Variants in LRRIQ4 observed in about 807,000 individuals in gnomAD.
LRRIQ4 encodes leucine rich repeats and IQ motif containing 4, also known as leucine-rich repeat and IQ domain-containing protein 4.
LRRIQ4 carries 21 observed loss-of-function variants against 40.1 expected under a neutral mutation model. That is an observed-to-expected ratio of 0.52 (90% CI 0.37 to 0.75). The LOEUF is 0.75. LRRIQ4 is among the 30% of genes least tolerant of loss of function. The pLI is 0.00. For missense variants in LRRIQ4, 655 were observed against 660.0 expected (o/e 0.99, Z 0.08); for synonymous variants, 277 against 277.1 (o/e 1.00, Z 0.00).
chr3:169,833,060 T>G lies in LRRIQ4; in HGVS notation c.1407T>G (p.Leu469=). The G allele has an allele frequency of 1.2e-6, 2 of 1,613,980 alleles. No homozygotes were observed. The highest frequency in any genetic ancestry group is 1.7e-6 in the Non-Finnish European group (2 of 1,179,874). ...AGAATTTGGATTCCCTAGTGAATCT[T>G]AAGGTTCTGACACTGATGGACAATC... ...LPENLDSLVN[L]KVLTLMDNPM... is the part of the protein sequence containing the mutation. The change falls in exon 5 of 6, where the codon CTT becomes CTG. Residue 469 remains leucine (L), a synonymous_variant. Coordinates refer to ENST00000340806, the MANE Select transcript of LRRIQ4 (RefSeq NM_001080460.3).
chr3:169,822,694 A>G lies in LRRIQ4; in HGVS notation c.773A>G (p.Lys258Arg). ...SIPKSFAELR[K>R]MTEIGLSGNR... ...CCGAAGAGCTTCGCCGAGCTCAGGA[A>G]GATGACGGAAATCGGGCTGAGCGGG... The change falls in exon 2 of 6, where the codon AAG (lysine) becomes AGG (arginine). Residue 258 changes from lysine to arginine, a missense_variant. Lys to Arg is a conservative substitution (Grantham distance 26, BLOSUM62 2). Coordinates refer to ENST00000340806, the MANE Select transcript of LRRIQ4 (RefSeq NM_001080460.3). 1 of 1,614,008 alleles carries G rather than the reference A, an allele frequency of 6.2e-7. No homozygotes were observed.
At chr3:169,831,695 C>T (rs1053804582) in intron 4 of LRRIQ4, among the ~76,000 whole-genome samples, 32 of 151,132 alleles carry the variant, frequency 2.1e-4, no homozygotes, top group Admixed American at 2.0e-3. Flanking sequence ...CAAGGCCAGG[C>T]GCGGTGCTCA....
rs1450972380 is a variant in LRRIQ4, at chr3:169,822,362, C to T, written c.441C>T (p.Leu147=). The change falls in exon 2 of 6, where the codon CTC becomes CTT. Residue 147 remains leucine, a synonymous_variant. Transcript: ENST00000340806. ...AAAACCTCCACCATCTCGAGCTGCT[C>T]GGACTGACCGGAAACCACCTGAAAT... ...IFKNLHHLEL[L]GLTGNHLKCL... The T allele has an allele frequency of 1.2e-6, 2 of 1,612,946 alleles. No homozygotes were observed. Among genetic ancestry groups the T allele is most frequent in the East Asian group, 4.5e-5 (2 of 44,886 alleles).
intron 4 of LRRIQ4, among the ~76,000 whole-genome samples, chr3:169,832,424 C>T (rs533302491): frequency 2.9e-4 from 43 of 150,346 alleles, no homozygotes; most frequent in African/African-American, 8.8e-4. Context: ...ACCGAGATGG[C>T]GCCACTGCAC....
chr3:169,822,723 C>T lies in LRRIQ4; in HGVS notation c.802C>T (p.Arg268Cys), dbSNP rs777245810. 1.1e-5 allele frequency: 17 copies of T among 1,613,888 alleles called. No homozygotes were observed. The highest frequency in any genetic ancestry group is 9.9e-5 in the South Asian group (9 of 91,064). ...GACGGAAATCGGGCTGAGCGGGAAC[C>T]GCCTGGAGAAGGTGCCACGCCTCAT... ...KMTEIGLSGN[R>C]LEKVPRLICR... Residue 268 changes from arginine (R) to cysteine (C), a missense_variant, in exon 2 of 6, where the codon CGC (arginine) becomes TGC (cysteine). Transcript: ENST00000340806.
At chr3:169,833,383 C>T (rs551134345) in intron 5 of LRRIQ4, among the ~76,000 whole-genome samples, 200 bp downstream of exon 5, 1 of 152,200 alleles carries the variant, frequency 6.6e-6, no homozygotes, top group African/African-American at 2.4e-5. Flanking sequence ...CTTTTATGTC[C>T]CTTATTTCTT....
At chr3:169,831,258 A>ATTT (rs1435211345) in intron 4 of LRRIQ4, among the ~76,000 whole-genome samples, 18 of 52,180 alleles carry the variant, frequency 3.4e-4, no homozygotes, top group Non-Finnish European at 4.6e-4. Flanking sequence ...AACTATGGCT[A>ATTT]TTCTTTTTTT....
chr3:169,830,164 A>T (rs1214370175), intron 3 of LRRIQ4, among the ~76,000 whole-genome samples: 3 of 152,190 alleles, frequency 2.0e-5, no homozygotes, highest in Non-Finnish European at 4.4e-5. Flanking sequence ...CTATTAAAAA[A>T]GGAGTTAATG....
chr3:169,813,506 T>C (rs1036522213), intron 1 of LRRIQ4, among the ~76,000 whole-genome samples: 15 of 152,012 alleles, frequency 9.9e-5, no homozygotes, highest in African/African-American at 3.4e-4. Flanking sequence ...GGCAGGAAAA[T>C]AGGGTCTGGA....
At chr3:169,835,396 C>T (rs570217073) in intron 5 of LRRIQ4, among the ~76,000 whole-genome samples, 68 of 80,262 alleles carry the variant, frequency 8.5e-4, no homozygotes, top group Non-Finnish European at 1.5e-3. Flanking sequence ...GTGTGTGTGT[C>T]CTAATGATTT....
chr3:169,822,771 C>T lies in LRRIQ4; in HGVS notation c.850C>T (p.Leu284=). 1.2e-6 allele frequency: 2 copies of T among 1,613,600 alleles called. No individual in the cohort carries two copies. Among genetic ancestry groups the T allele is most frequent in the Non-Finnish European group, 1.7e-6 (2 of 1,179,696 alleles). ...CATTTGCAGGTGGACCTCGCTGCAC[C>T]TGCTCTACCTGGGAAACACCGGCCT... ...RLICRWTSLH[L]LYLGNTGLHR... is the part of the protein sequence containing the mutation. Residue 284 remains leucine (L), a synonymous_variant, in exon 2 of 6, where the codon CTG becomes TTG. Transcript: ENST00000340806.
At chr3:169,827,410 A>G (rs1780063939) in intron 2 of LRRIQ4, among the ~76,000 whole-genome samples, 1 of 152,038 alleles carries the variant, frequency 6.6e-6, no homozygotes, top group Non-Finnish European at 1.5e-5. Context: ...GATCGAGACC[A>G]TCCTGGCTGA....
At chr3:169,817,775 C>T (rs1227440556) in intron 1 of LRRIQ4, among the ~76,000 whole-genome samples, 2 of 152,056 alleles carry the variant, frequency 1.3e-5, no homozygotes, top group Non-Finnish European at 1.5e-5. Context: ...TTTCCATTTG[C>T]ATAGAATATC....
At chr3:169,813,253 A>G (rs1779672557) in intron 1 of LRRIQ4, among the ~76,000 whole-genome samples, 1 of 152,232 alleles carries the variant, frequency 6.6e-6, no homozygotes, top group African/African-American at 2.4e-5. Flanking sequence ...TGTCTCCCCA[A>G]CCAACTAGAA....
At chr3:169,820,787 C>A (rs16854409) in intron 1 of LRRIQ4, among the ~76,000 whole-genome samples, 5,313 of 152,288 alleles carry the variant, frequency 0.035, 238 homozygotes, top group South Asian at 0.12. Context: ...AAGCTCCTTC[C>A]AGCCAGGCTT....
intron 1 of LRRIQ4, among the ~76,000 whole-genome samples, chr3:169,813,815 C>T (rs1779693902): frequency 6.6e-6 from 1 of 152,144 alleles, no homozygotes; most frequent in Admixed American, 6.5e-5. Context: ...TTCAAGACGC[C>T]AAGAACCTGG....
intron 3 of LRRIQ4, among the ~76,000 whole-genome samples, chr3:169,830,264 A>G (rs1354022461): frequency 6.6e-6 from 1 of 151,816 alleles, no homozygotes; most frequent in African/African-American, 2.4e-5. Context: ...TTTTCCCTGC[A>G]TAAATGGAAA....
At position 169,835,366 on chromosome 3, in the gene LRRIQ4, G is replaced by C. The variant is rs9832549; in HGVS notation, c.1531-2113G>C. 6.9e-5 allele frequency among the ~76,000 whole-genome samples: 5 copies of C among 72,260 alleles called. 1 individual carries two copies. Among genetic ancestry groups the C allele is most frequent in the South Asian group, 1.1e-3 (2 of 1,904 alleles). 47.4% of individuals were successfully genotyped at this position (72,260 alleles called of 152,430 possible). A position where few individuals can be genotyped will look rare whatever the true frequency, so the allele number is the denominator to read the frequency against. On this transcript the variant is annotated intron_variant, in intron 5 of 5. Transcript: ENST00000340806. ...CTTGTACTTTGAATTGTCTTTTTCT[G>C]TGTGTGTGTGTGTGTGTGTGTGTGT...
At position 169,830,474 on chromosome 3, in the gene LRRIQ4, A is replaced by G. The variant is rs971651269; in HGVS notation, c.1195-18A>G. 4 of 1,526,566 alleles carry G rather than the reference A, an allele frequency of 2.6e-6. No individual in the cohort carries two copies. In the African/African-American group the frequency reaches 5.5e-5, roughly 21 times the overall value. 94.6% of individuals were successfully genotyped at this position (1,526,566 alleles called of 1,614,324 possible). A position where few individuals can be genotyped will look rare whatever the true frequency, so the allele number is the denominator to read the frequency against. On this transcript the variant is annotated intron_variant, in intron 3 of 5. Transcript: ENST00000340806. ...ATTAATCAAGGTATATTATTATGGT[A>G]CACTCATGTTATTTCAGAGTCTCAA... is the stretch of plus-strand genomic sequence containing the variant.
Sources: allele counts gnomAD v4.1 joint callset (sites outside exome capture counted in the v4.1 genomes callset), GRCh38; gene constraint gnomAD v4.1.1; transcripts MANE v1.5; gene names NCBI Gene and HGNC (gene_info 2026-07-23, HGNC 2026-07-21).